Variants in GKAP1 observed in about 807,000 individuals in gnomAD.
The protein encoded by GKAP1 is G kinase anchoring protein 1, also known as G kinase-anchoring protein 1.
A neutral mutation model predicts 56.7 loss-of-function variants in GKAP1; 31 were observed. The observed-to-expected ratio is 0.55, with a 90% CI of 0.41 to 0.74. The LOEUF (loss-of-function observed/expected upper bound fraction) is 0.74, where lower values mean the gene tolerates loss of function less well. Ranked by LOEUF, GKAP1 falls within the 30% of genes least tolerant of loss-of-function variation. GKAP1 has a pLI of 0.00. For synonymous variants in GKAP1, 151 were observed against 138.6 expected, an observed-to-expected ratio of 1.09 and a Z score of -0.63; for missense variants, 364 against 402.3, an observed-to-expected ratio of 0.90 and a Z score of 0.82.
At chr9:83,812,258 C>T (rs1203346768) in intron 2 of GKAP1, among the ~76,000 whole-genome samples, 2 of 145,116 alleles carry the variant, frequency 1.4e-5, no homozygotes, top group Admixed American at 6.9e-5. Flanking sequence ...TATATGTATA[C>T]GTATATATAC....
At position 83,813,519 on chromosome 9, in the gene GKAP1, A is replaced by T. The variant is rs562557414; in HGVS notation, c.-44+3477T>A. ...ACCTGTAATTTCAGCAACTTGGGAG[A>T]CTGAAGCAGGAGATCACTTAAGTCC... On this transcript the variant is annotated intron_variant, in intron 2 of 12. Coordinates refer to ENST00000376371, the MANE Select transcript of GKAP1 (RefSeq NM_025211.4). 2.0e-5 allele frequency among the ~76,000 whole-genome samples: 3 copies of T among 152,294 alleles called. No individual in the cohort carries two copies. The South Asian group carries it at 6.2e-4, about 32-fold the overall frequency.
chr9:83,752,546 C>T (rs1224396183), intron 9 of GKAP1, among the ~76,000 whole-genome samples: 1 of 152,004 alleles, frequency 6.6e-6, no homozygotes, highest in African/African-American at 2.4e-5. Context: ...TAGAGGTTAC[C>T]GGGGTGTGGA....
At position 83,781,555 on chromosome 9, in the gene GKAP1, A is replaced by C. The variant is rs558759312; in HGVS notation, c.563-1151T>G. ...ATTTCTTGATCAGAATAGTGTCCAT[A>C]AACACAGTAAATGCCAAAATCACCA... On this transcript the variant is annotated intron_variant, in intron 6 of 12. Coordinates refer to ENST00000376371, the MANE Select transcript of GKAP1 (RefSeq NM_025211.4). 2.6e-5 allele frequency among the ~76,000 whole-genome samples: 4 copies of C among 152,312 alleles called. No individual in the cohort carries two copies. The South Asian group carries it at 8.3e-4, about 32-fold the overall frequency.
At chr9:83,769,016 T>C (rs1943712069) in intron 7 of GKAP1, 46 bp from the exon 8 acceptor site, 2 of 1,497,480 alleles carry the variant, frequency 1.3e-6, no homozygotes, top group African/African-American at 1.4e-5. Flanking sequence ...CATGCACTGA[T>C]ATGCATTTAA....
At chr9:83,775,874 C>CAAAAAAAAAAAAAAAAAAAAAAAAAA (rs55669011) in intron 7 of GKAP1, among the ~76,000 whole-genome samples, 1 of 43,716 alleles carries the variant, frequency 2.3e-5, no homozygotes, top group Non-Finnish European at 3.9e-5. Context: ...GACTCTGTCT[C>CAAAAAAAAAAAAAAAAAAAAAAAAAA]AAAAAAAAAA....
At chr9:83,743,401 C>A (rs983334932) in intron 10 of GKAP1, among the ~76,000 whole-genome samples, 1 of 151,914 alleles carries the variant, frequency 6.6e-6, no homozygotes, top group Non-Finnish European at 1.5e-5. Context: ...TCAAAATCAG[C>A]CTGGCCAACA....
At chr9:83,813,320 T>C (rs761326195) in intron 2 of GKAP1, among the ~76,000 whole-genome samples, 4 of 152,266 alleles carry the variant, frequency 2.6e-5, no homozygotes, top group Non-Finnish European at 5.9e-5. Flanking sequence ...CTTAAATTAG[T>C]CTATGAATAT....
intron 4 of GKAP1, chr9:83,793,034 T>C (rs1944188595): frequency 1.6e-6 from 2 of 1,261,670 alleles, no homozygotes; most frequent in African/African-American, 3.1e-5. Flanking sequence ...GTAAAACATT[T>C]TTTCTTCTAT....
Position 83,753,310 on chromosome 9 carries a change from T to C in GKAP1, c.788A>G (p.Glu263Gly). The change falls in exon 9 of 13, where the codon GAA (glutamate) becomes GGA (glycine). Residue 263 changes from glutamate (E) to glycine (G), a missense_variant. Coordinates refer to ENST00000376371, the MANE Select transcript of GKAP1 (RefSeq NM_025211.4). ...CTTCTGGATTTCAGCATCTTTCCTTTCAAGCTCTAACTTTAGTCTTTCAAT... is the reference window on the plus strand; with the variant it reads ...CTTCTGGATTTCAGCATCTTTCCTTCCAAGCTCTAACTTTAGTCTTTCAAT... ...GRIERLKLEL[E>G]RKDAEIQKLK... 6.2e-7 allele frequency: 1 copy of C among 1,611,896 alleles called. No homozygotes were observed. The highest frequency in any genetic ancestry group is 8.5e-7 in the Non-Finnish European group (1 of 1,178,498).
At chr9:83,799,435 A>G in intron 3 of GKAP1, 107 bp from the exon 4 acceptor site, 3 of 758,486 alleles carry the variant, frequency 4.0e-6, no homozygotes, top group Non-Finnish European at 6.2e-6. Flanking sequence ...TTCTACTGAA[A>G]CCACTCGTTT....
intron 8 of GKAP1, among the ~76,000 whole-genome samples, chr9:83,758,006 T>C (rs1415031347): frequency 6.6e-6 from 1 of 152,110 alleles, no homozygotes; most frequent in Non-Finnish European, 1.5e-5. Flanking sequence ...GGATGGAATA[T>C]GCCGCAAGGG....
At chr9:83,771,735 C>T (rs537655786) in intron 7 of GKAP1, among the ~76,000 whole-genome samples, 1 of 152,252 alleles carries the variant, frequency 6.6e-6, no homozygotes, top group Admixed American at 6.5e-5. Flanking sequence ...AAAATAGTTC[C>T]AGTATATTCT....
chr9:83,786,736 C>G (rs181050777), intron 5 of GKAP1, among the ~76,000 whole-genome samples: 1 of 152,278 alleles, frequency 6.6e-6, no homozygotes, highest in East Asian at 1.9e-4. Flanking sequence ...AGAAGTTCCT[C>G]CCTTCTCTTA....
chr9:83,789,202 G>T (rs1944114422), intron 4 of GKAP1: 1 of 152,156 alleles, frequency 6.6e-6, no homozygotes, highest in African/African-American at 2.4e-5. Context: ...CTCTCAAAAT[G>T]ATAAACTATA....
chr9:83,746,894 C>A lies in GKAP1; in HGVS notation c.904+1415G>T, dbSNP rs538037658. On this transcript the variant is annotated intron_variant, in intron 10 of 12. Transcript: ENST00000376371. The stretch of plus-strand genomic sequence containing the variant: ...AATTGATTGATCCACAGATGGGGAA[C>A]CCATGGATATGGAGGGCTGACTATA... Among the ~76,000 whole-genome samples the A allele has an allele frequency of 1.9e-4, 29 of 152,290 alleles. No individual in the cohort carries two copies. The South Asian group carries it at 6.0e-3, about 32-fold the overall frequency.
intron 8 of GKAP1, among the ~76,000 whole-genome samples, chr9:83,763,560 A>G (rs1943610676): frequency 6.6e-6 from 1 of 152,172 alleles, no homozygotes; most frequent in Non-Finnish European, 1.5e-5. Context: ...TAGCCACAAA[A>G]ATTAAAATTT....
intron 3 of GKAP1, among the ~76,000 whole-genome samples, chr9:83,804,398 G>A (rs1307344515): frequency 7.2e-6 from 1 of 139,738 alleles, no homozygotes; most frequent in Non-Finnish European, 1.6e-5. Flanking sequence ...AGGGAGGTGG[G>A]GGGGGTCAGC....
chr9:83,803,248 CTCTCCCTCTCGG>C (rs965522586), intron 3 of GKAP1, among the ~76,000 whole-genome samples: 28 of 151,604 alleles, frequency 1.8e-4, no homozygotes, highest in Non-Finnish European at 3.5e-4. Context: ...CCCCTCTCCC[CTCTCCCTCTCGG>C]TCTCCCTCTC....
chr9:83,791,901 T>C (rs1944165885), intron 4 of GKAP1, among the ~76,000 whole-genome samples: 1 of 152,136 alleles, frequency 6.6e-6, no homozygotes, highest in Non-Finnish European at 1.5e-5. Context: ...TAGGCAGAAA[T>C]AGAACTGCAG....
Sources: gnomAD v4.1 joint callset for allele counts (sites outside exome capture counted in the v4.1 genomes callset) on GRCh38, gnomAD v4.1.1 for gene constraint, MANE v1.5 for transcripts, NCBI Gene and HGNC (gene_info 2026-07-23, HGNC 2026-07-21) for gene names.